The following TMEM132B variants were observed in gnomAD, a reference collection of about 807,000 sequenced individuals.
The protein encoded by TMEM132B is transmembrane protein 132B.
In TMEM132B, 18 loss-of-function variants were observed where a neutral mutation model predicts 90.8. That is an observed-to-expected ratio of 0.20 (90% CI 0.14 to 0.29). The LOEUF (loss-of-function observed/expected upper bound fraction) is 0.29, where lower values mean the gene tolerates loss of function less well. TMEM132B is among the 10% of genes least tolerant of loss of function. The pLI is 1.00. For missense variants in TMEM132B, 1,096 were observed against 1,326.8 expected, an observed-to-expected ratio of 0.83 and a Z score of 2.70; for synonymous variants, 504 against 523.3, an observed-to-expected ratio of 0.96 and a Z score of 0.50.
intron 2 of TMEM132B, among the ~76,000 whole-genome samples, chr12:125,395,271 T>C (rs963762947): frequency 6.6e-6 from 1 of 152,210 alleles, no homozygotes; most frequent in Non-Finnish European, 1.5e-5. Flanking sequence ...ATTACTGTGA[T>C]GAAATGATTA....
intron 1 of TMEM132B, among the ~76,000 whole-genome samples, chr12:125,313,027 T>A (rs1876159078): frequency 6.6e-6 from 1 of 152,178 alleles, no homozygotes. Flanking sequence ...GCATAATTTT[T>A]ATTGGACACC....
intron 4 of TMEM132B, among the ~76,000 whole-genome samples, chr12:125,579,841 T>C (rs1280245430): frequency 6.6e-6 from 1 of 152,222 alleles, no homozygotes; most frequent in African/African-American, 2.4e-5. Flanking sequence ...CTTTTTTGCA[T>C]GTCTCATAAG....
intron 2 of TMEM132B, among the ~76,000 whole-genome samples, chr12:125,360,697 G>A (rs185401555): frequency 1.3e-5 from 2 of 152,224 alleles, no homozygotes; most frequent in African/African-American, 4.8e-5. Context: ...TGCAGTCCAC[G>A]GGGGTAAATC....
At chr12:125,607,662 G>T (rs1885729642) in intron 5 of TMEM132B, among the ~76,000 whole-genome samples, 2 of 152,166 alleles carry the variant, frequency 1.3e-5, no homozygotes, top group South Asian at 4.1e-4. Context: ...GAAAAATGTA[G>T]AAATCAATGT....
chr12:125,286,414 A>C (rs1480160981), intron 1 of TMEM132B, among the ~76,000 whole-genome samples: 1 of 152,240 alleles, frequency 6.6e-6, no homozygotes, highest in Admixed American at 6.5e-5. Flanking sequence ...CTACATATAG[A>C]GAATGGGATA....
At chr12:125,377,848 T>G (rs1878541830) in intron 2 of TMEM132B, among the ~76,000 whole-genome samples, 1 of 152,180 alleles carries the variant, frequency 6.6e-6, no homozygotes, top group South Asian at 2.1e-4. Flanking sequence ...CCCACCCAGC[T>G]GGTGAGATTT....
At position 125,225,863 on chromosome 12, in the gene TMEM132B, A is replaced by G. The variant is rs79812990; in HGVS notation, c.67+38997A>G. On this transcript the variant is annotated intron_variant, in intron 1 of 8. Coordinates refer to ENST00000682704, the MANE Select transcript of TMEM132B (RefSeq NM_001366854.1). Reference sequence around the variant, plus strand: ...AGTCACATGACCACTCCTAGCTGCAAGGGAGGCTGGGAAATGTAGTCCACC... The same window carrying G: ...AGTCACATGACCACTCCTAGCTGCAGGGGAGGCTGGGAAATGTAGTCCACC... Among the ~76,000 whole-genome samples the G allele has an allele frequency of 2.4e-3, 369 of 152,266 alleles. 1 individual carries two copies. The highest frequency in any genetic ancestry group is 8.4e-3 in the African/African-American group (348 of 41,542).
intron 4 of TMEM132B, among the ~76,000 whole-genome samples, chr12:125,538,617 G>T (rs1019525906): frequency 1.3e-5 from 2 of 152,172 alleles, no homozygotes; most frequent in Non-Finnish European, 2.9e-5. Flanking sequence ...AGTTCAAAGG[G>T]CATCATTTGT....
At chr12:125,303,550 A>G (rs1875885433) in intron 1 of TMEM132B, among the ~76,000 whole-genome samples, 1 of 152,156 alleles carries the variant, frequency 6.6e-6, no homozygotes, top group African/African-American at 2.4e-5. Context: ...TAACTTTTTG[A>G]TCAACTGCCA....
In TMEM132B at chr12:125,629,901, T is replaced by A. The variant is rs1593032312; in HGVS notation, c.1438-14175T>A. On this transcript the variant is annotated intron_variant, in intron 5 of 8. Coordinates refer to ENST00000682704, the MANE Select transcript of TMEM132B (RefSeq NM_001366854.1). ...TTCAGCATCAGTTGAAATGATTATATGGCTTTTGTCCTTCATTCTGTTGAC... is the reference window on the plus strand; with the variant it reads ...TTCAGCATCAGTTGAAATGATTATAAGGCTTTTGTCCTTCATTCTGTTGAC... Among the ~76,000 whole-genome samples the A allele has an allele frequency of 2.0e-5, 3 of 152,174 alleles. No individual in the cohort carries two copies. The South Asian group carries it at 6.2e-4, about 31-fold the overall frequency.
intron 4 of TMEM132B, among the ~76,000 whole-genome samples, chr12:125,578,382 C>A (rs1884981252): frequency 6.6e-6 from 1 of 152,146 alleles, no homozygotes; most frequent in Non-Finnish European, 1.5e-5. Context: ...ATACAAATTG[C>A]ATCTTTCTGC....
intron 1 of TMEM132B, among the ~76,000 whole-genome samples, chr12:125,247,777 G>C (rs1331787384): frequency 1.3e-5 from 2 of 152,198 alleles, no homozygotes; most frequent in African/African-American, 2.4e-5. Context: ...TGACCTATTA[G>C]ACCTCATTTC....
rs184993991 is a variant in TMEM132B at position 125,282,809 on chromosome 12, C to T, written c.68-66643C>T. Among the ~76,000 whole-genome samples, 34 of 152,308 alleles carry T rather than the reference C, an allele frequency of 2.2e-4. 1 individual carries two copies. Among genetic ancestry groups the T allele is most frequent in the Admixed American group, 2.2e-3 (34 of 15,304 alleles). On this transcript the variant is annotated intron_variant, in intron 1 of 8. Coordinates refer to ENST00000682704, the MANE Select transcript of TMEM132B (RefSeq NM_001366854.1). ...CGCAGGGAGATGTGTGTGCCTGGTG[C>T]ATTCTGAGCTCTGGGTGCATAGTAA...
intron 3 of TMEM132B, among the ~76,000 whole-genome samples, chr12:125,416,248 C>CTGTGT (rs1157014529): frequency 6.6e-6 from 1 of 152,188 alleles, no homozygotes; most frequent in African/African-American, 2.4e-5. Context: ...GAACTCTCAC[C>CTGTGT]TGTGTTGCAG....
intron 3 of TMEM132B, among the ~76,000 whole-genome samples, chr12:125,439,778 C>T (rs1282951575): frequency 1.3e-5 from 2 of 152,132 alleles, no homozygotes; most frequent in Non-Finnish European, 2.9e-5. Flanking sequence ...AGCTTTTCCC[C>T]ATTCAGTATG....
chr12:125,331,223 C>T (rs968963121), intron 1 of TMEM132B, among the ~76,000 whole-genome samples: 3 of 152,244 alleles, frequency 2.0e-5, no homozygotes, highest in Non-Finnish European at 4.4e-5. Flanking sequence ...GTCCCCTCCT[C>T]CGCGTTGCTG....
intron 5 of TMEM132B, 142 bp from the exon 6 acceptor site, chr12:125,643,934 C>A (rs1023451830): frequency 1.4e-6 from 1 of 691,760 alleles, no homozygotes; most frequent in African/African-American, 1.8e-5. Context: ...CTACAAATTA[C>A]CTTTTGTACA....
chr12:125,459,374 C>G lies in TMEM132B; in HGVS notation c.1106+43697C>G, dbSNP rs1015700710. Among the ~76,000 whole-genome samples the G allele has an allele frequency of 6.6e-6, 1 of 152,052 alleles. No homozygotes were observed. Among genetic ancestry groups the G allele is most frequent in the Non-Finnish European group, 1.5e-5 (1 of 68,018 alleles). On this transcript the variant is annotated intron_variant, in intron 3 of 8. Transcript: ENST00000682704. This position sits in a 1 kb window ranked among gnomAD's most constrained non-coding sequence, Gnocchi z 4.1. Reference sequence around the variant, plus strand: ...ACGAGGGCACGTTTTCTAAAACTACCGAGAGAACTGGAGATCATCATGCTA... The same window carrying G: ...ACGAGGGCACGTTTTCTAAAACTACGGAGAGAACTGGAGATCATCATGCTA...
At chr12:125,555,012 C>T (rs527392054) in intron 4 of TMEM132B, among the ~76,000 whole-genome samples, 17 of 152,220 alleles carry the variant, frequency 1.1e-4, no homozygotes, top group South Asian at 4.2e-4. Context: ...AATGGACGCA[C>T]GACAACCAGT....
Sources: allele counts gnomAD v4.1 joint callset (sites outside exome capture counted in the v4.1 genomes callset), GRCh38; gene constraint gnomAD v4.1.1; non-coding constraint Gnocchi (gnomAD v3.1); transcripts MANE v1.5; gene names NCBI Gene and HGNC (gene_info 2026-07-23, HGNC 2026-07-21).